The following SAMD12 variants were observed in gnomAD, a reference collection of about 807,000 sequenced individuals.
SAMD12 encodes sterile alpha motif domain containing 12, also known as sterile alpha motif domain-containing protein 12.
SAMD12 carries 9 observed loss-of-function variants against 15.0 expected under a neutral mutation model. The observed-to-expected ratio is 0.60, with a 90% CI of 0.36 to 1.05. SAMD12 has a LOEUF of 1.05. Among genes scored for constraint, SAMD12 ranks in the 50% least tolerant of loss-of-function variants. The probability of loss-of-function intolerance (pLI) is 0.01; values close to 1 mark genes in which losing one functional copy is unlikely to be tolerated. For missense variants in SAMD12, 230 were observed against 234.2 expected (o/e 0.98, Z 0.12); for synonymous variants, 86 against 90.1 (o/e 0.96, Z 0.25).
chr8:118,392,123 G>T (rs2045278683), intron 3 of SAMD12, among the ~76,000 whole-genome samples: 1 of 152,180 alleles, frequency 6.6e-6, no homozygotes, highest in African/African-American at 2.4e-5. Flanking sequence ...ACTCACAGCG[G>T]TAAGCACAAT....
chr8:118,142,792 T>C, the SAMD12 span, among the ~76,000 whole-genome samples: 3 of 152,194 alleles, frequency 2.0e-5, no homozygotes, highest in African/African-American at 7.2e-5. Flanking sequence ...AATAGATGAA[T>C]ATCTACTAGT....
At chr8:118,390,284 A>G (rs1278340031) in intron 3 of SAMD12, among the ~76,000 whole-genome samples, 1 of 152,208 alleles carries the variant, frequency 6.6e-6, no homozygotes, top group Admixed American at 6.5e-5. Context: ...CTAGGATTAC[A>G]GGCGTGAGCC....
the SAMD12 span, among the ~76,000 whole-genome samples, chr8:118,169,355 G>A: frequency 6.6e-6 from 1 of 152,118 alleles, no homozygotes; most frequent in African/African-American, 2.4e-5. Flanking sequence ...CACACTATTT[G>A]TTCTCCTCCT....
chr8:118,574,747 T>C (rs2131244150), intron 2 of SAMD12, among the ~76,000 whole-genome samples: 1 of 152,320 alleles, frequency 6.6e-6, no homozygotes, highest in Non-Finnish European at 1.5e-5. Flanking sequence ...TTTGCTTGTC[T>C]CTTGTTCTGA....
intron 3 of SAMD12, among the ~76,000 whole-genome samples, chr8:118,410,596 C>G (rs1821362424): frequency 6.6e-6 from 1 of 152,264 alleles, no homozygotes; most frequent in Non-Finnish European, 1.5e-5. Flanking sequence ...GCTCAATTAT[C>G]CTGAGACAGT....
chr8:118,207,893 T>A (rs1302585127), intron 4 of SAMD12, among the ~76,000 whole-genome samples: 4 of 150,428 alleles, frequency 2.7e-5, no homozygotes, highest in Non-Finnish European at 5.9e-5. Flanking sequence ...AAAAGCACAC[T>A]TTTAAAGGAG....
exon 5 of SAMD12, chr8:118,192,861 G>C (rs577057726): frequency 6.6e-6 from 1 of 152,250 alleles, no homozygotes; most frequent in Admixed American, 6.5e-5. Context: ...TCTTGTGCTT[G>C]ATATAATTGT....
intron 1 of SAMD12, among the ~76,000 whole-genome samples, chr8:118,615,910 G>A (rs1032117644): frequency 6.6e-6 from 1 of 152,172 alleles, no homozygotes; most frequent in Non-Finnish European, 1.5e-5. Flanking sequence ...GGGGTGGCAG[G>A]AACTGCTGCC....
chr8:118,386,908 G>A (rs1819993125), intron 3 of SAMD12, among the ~76,000 whole-genome samples: 1 of 152,244 alleles, frequency 6.6e-6, no homozygotes, highest in Non-Finnish European at 1.5e-5. Flanking sequence ...GCCACTGCAT[G>A]TGGTTGGGGG....
the SAMD12 span, among the ~76,000 whole-genome samples, chr8:118,181,663 G>A: frequency 1.3e-5 from 2 of 152,304 alleles, no homozygotes; most frequent in South Asian, 4.2e-4. Flanking sequence ...CTAAGAGACT[G>A]AGCTAAACAG....
chr8:118,344,247 A>C (rs535157852), intron 4 of SAMD12, among the ~76,000 whole-genome samples: 3 of 152,172 alleles, frequency 2.0e-5, no homozygotes, highest in Admixed American at 2.0e-4. Context: ...TTGACAGTAC[A>C]ATGCTGGGAC....
intron 2 of SAMD12, among the ~76,000 whole-genome samples, chr8:118,572,686 A>G (rs1181203847): frequency 6.6e-6 from 1 of 152,170 alleles, no homozygotes; most frequent in Non-Finnish European, 1.5e-5. Context: ...GCCTTCCACC[A>G]TGATTGGACT....
chr8:118,552,356 T>A (rs1411467033), intron 2 of SAMD12, among the ~76,000 whole-genome samples: 3 of 152,170 alleles, frequency 2.0e-5, no homozygotes, highest in Non-Finnish European at 4.4e-5. Context: ...ATCCCTGGGA[T>A]GCAAGGCTGG....
In SAMD12 at chr8:118,281,948, G is replaced by C. The variant is rs143499313; in HGVS notation, c.434-84216C>G. ...ATAGAAAGCCACTATTACAGACAGG[G>C]GCTGCATCCTTCAGGTGCTTTCTGC... is the stretch of plus-strand genomic sequence containing the variant. On this transcript the variant is annotated intron_variant, in intron 4 of 4. Coordinates refer to the SAMD12 transcript ENST00000409003. Among the ~76,000 whole-genome samples, 565 of 152,242 alleles carry C rather than the reference G, an allele frequency of 3.7e-3. 6 individuals are homozygous for C. Among genetic ancestry groups the C allele is most frequent in the African/African-American group, 0.01 (426 of 41,548 alleles).
intron 4 of SAMD12, among the ~76,000 whole-genome samples, chr8:118,237,063 T>C (rs1812452631): frequency 6.6e-6 from 1 of 152,196 alleles, no homozygotes; most frequent in African/African-American, 2.4e-5. Flanking sequence ...ATGGTGGTTA[T>C]GATACCATGT....
At chr8:118,431,979 T>G (rs545206527) in intron 3 of SAMD12, among the ~76,000 whole-genome samples, 1 of 152,174 alleles carries the variant, frequency 6.6e-6, no homozygotes, top group Non-Finnish European at 1.5e-5. Flanking sequence ...TGGTTTCTAT[T>G]GATTTACCTC....
At chr8:118,391,615 C>T (rs952694449) in intron 3 of SAMD12, among the ~76,000 whole-genome samples, 7 of 152,174 alleles carry the variant, frequency 4.6e-5, no homozygotes, top group Non-Finnish European at 1.0e-4. Flanking sequence ...GAGCCAGTAC[C>T]TATAGCCAAA....
intron 2 of SAMD12, among the ~76,000 whole-genome samples, chr8:118,464,688 G>A (rs1479791898): frequency 2.0e-5 from 3 of 152,008 alleles, no homozygotes; most frequent in Non-Finnish European, 4.4e-5. Flanking sequence ...CCTGTTACAG[G>A]CTCCTAGTGG....
At chr8:118,356,610 C>A (rs1221484239) in intron 4 of SAMD12, among the ~76,000 whole-genome samples, 8 of 152,144 alleles carry the variant, frequency 5.3e-5, no homozygotes, top group Admixed American at 6.5e-5. Flanking sequence ...AGTGACCGCA[C>A]CACTCCGATG....
Sources: allele counts gnomAD v4.1 joint callset (sites outside exome capture counted in the v4.1 genomes callset), GRCh38; gene constraint gnomAD v4.1.1; transcripts MANE v1.5; gene names NCBI Gene and HGNC (gene_info 2026-07-23, HGNC 2026-07-21).